The following PDCD1LG2 variants were observed in gnomAD, a reference collection of about 807,000 sequenced individuals.
PDCD1LG2 encodes the protein programmed cell death 1 ligand 2.
A neutral mutation model predicts 28.2 loss-of-function variants in PDCD1LG2; 32 were observed. The observed-to-expected ratio is 1.13, with a 90% confidence interval of 0.86 to 1.52. The LOEUF is 1.52. Among genes scored for constraint, PDCD1LG2 ranks in the 40% most tolerant of loss-of-function variants. PDCD1LG2 has a pLI of 0.00. For missense variants in PDCD1LG2, 385 were observed against 323.8 expected, an observed-to-expected ratio of 1.19 and a Z score of -1.45; for synonymous variants, 116 against 120.2, an observed-to-expected ratio of 0.97 and a Z score of 0.23.
At chr9:5,517,681 T>C (rs1376654758) in intron 1 of PDCD1LG2, among the ~76,000 whole-genome samples, 1 of 152,220 alleles carries the variant, frequency 6.6e-6, no homozygotes, top group Non-Finnish European at 1.5e-5. Context: ...GTCAGACTAA[T>C]GCAGAAATCA....
At chr9:5,549,672 A>G in intron 4 of PDCD1LG2, 68 bp downstream of exon 4, 1 of 1,569,844 alleles carries the variant, frequency 6.4e-7, no homozygotes, top group Non-Finnish European at 8.7e-7. Flanking sequence ...GGCATACTCG[A>G]GTGATTTGAG....
At chr9:5,524,692 G>A (rs1563822063) in intron 2 of PDCD1LG2, among the ~76,000 whole-genome samples, 1 of 152,156 alleles carries the variant, frequency 6.6e-6, no homozygotes, top group Non-Finnish European at 1.5e-5. Context: ...TACTTCTGGG[G>A]AGGGGAGGAG....
At chr9:5,519,972 T>A (rs1233229496) in intron 1 of PDCD1LG2, among the ~76,000 whole-genome samples, 1 of 152,222 alleles carries the variant, frequency 6.6e-6, no homozygotes, top group South Asian at 2.1e-4. Flanking sequence ...TATTCATGAA[T>A]TGGAAGACTA....
intron 4 of PDCD1LG2, among the ~76,000 whole-genome samples, chr9:5,556,887 G>T (rs907247256): frequency 6.6e-6 from 1 of 152,144 alleles, no homozygotes; most frequent in African/African-American, 2.4e-5. Flanking sequence ...ACTTTACAAG[G>T]CTTTCCCCAG....
At chr9:5,539,085 T>C (rs898501776) in intron 3 of PDCD1LG2, among the ~76,000 whole-genome samples, 2 of 152,210 alleles carry the variant, frequency 1.3e-5, no homozygotes, top group African/African-American at 4.8e-5. Flanking sequence ...TCTTTTATAT[T>C]TAGTCACCTT....
intron 1 of PDCD1LG2, among the ~76,000 whole-genome samples, chr9:5,514,060 T>C (rs992354200): frequency 1.3e-5 from 2 of 152,232 alleles, no homozygotes; most frequent in Non-Finnish European, 2.9e-5. Context: ...GGGATAAGAC[T>C]GGCAGTATTT....
chr9:5,545,602 G>T (rs1036137276), intron 3 of PDCD1LG2, among the ~76,000 whole-genome samples: 3 of 152,202 alleles, frequency 2.0e-5, no homozygotes, highest in African/African-American at 4.8e-5. Context: ...CTAAATGTGT[G>T]TCCATTTAAC....
At chr9:5,529,803 C>G (rs1184469024) in intron 2 of PDCD1LG2, among the ~76,000 whole-genome samples, 2 of 152,158 alleles carry the variant, frequency 1.3e-5, no homozygotes, top group African/African-American at 4.8e-5. Flanking sequence ...ACCCTGCTGA[C>G]TGCTGAGATA....
chr9:5,537,214 T>A (rs1017655826), intron 3 of PDCD1LG2, among the ~76,000 whole-genome samples: 10 of 152,190 alleles, frequency 6.6e-5, no homozygotes, highest in Admixed American at 1.3e-4. Flanking sequence ...TCCCATTGAT[T>A]TACTCATACG....
At chr9:5,522,455 T>C (rs1820293618) in intron 1 of PDCD1LG2, 78 bp from the exon 2 acceptor site, 3 of 1,095,440 alleles carry the variant, frequency 2.7e-6, no homozygotes, top group Non-Finnish European at 4.1e-6. Context: ...GTTATTCCCC[T>C]GTTTTCAAAA....
chr9:5,557,195 A>G (rs1041281209), intron 4 of PDCD1LG2, among the ~76,000 whole-genome samples: 1 of 152,138 alleles, frequency 6.6e-6, no homozygotes, highest in African/African-American at 2.4e-5. Context: ...AGAGAGGATG[A>G]GGAGGAGAAG....
rs148360059 is a variant in PDCD1LG2 at position 5,519,707 on chromosome 9, C to A, written c.-14-2826C>A. Among the ~76,000 whole-genome samples, 619 of 152,330 alleles carry A rather than the reference C, an allele frequency of 4.1e-3. 1 individual carries two copies. The highest frequency in any genetic ancestry group is 6.6e-3 in the Non-Finnish European group (452 of 68,024). ...CCCAACTGCCTACTAAACACCTCCACTTGGCTATCTAATAGGCATTTCAAA... is the reference window on the plus strand; with the variant it reads ...CCCAACTGCCTACTAAACACCTCCAATTGGCTATCTAATAGGCATTTCAAA... On this transcript the variant is annotated intron_variant, in intron 1 of 6. Coordinates refer to ENST00000397747, the MANE Select transcript of PDCD1LG2 (RefSeq NM_025239.4).
At chr9:5,564,646 T>C (rs1586822357) in intron 6 of PDCD1LG2, among the ~76,000 whole-genome samples, 1 of 152,338 alleles carries the variant, frequency 6.6e-6, no homozygotes, top group East Asian at 1.9e-4. Flanking sequence ...CATCATCATG[T>C]CATCTCTTGT....
Position 5,569,248 on chromosome 9 carries a change from G to C in PDCD1LG2, c.817-706G>C, listed in dbSNP as rs1816725132. 2.0e-5 allele frequency among the ~76,000 whole-genome samples: 3 copies of C among 152,314 alleles called. No homozygotes were observed. The highest frequency in any genetic ancestry group is 4.4e-5 in the Non-Finnish European group (3 of 68,024). On this transcript the variant is annotated intron_variant, in intron 6 of 6. Transcript: ENST00000397747. This position sits in a 1 kb window ranked among gnomAD's most constrained non-coding sequence, Gnocchi z 4.1. ...AGTTTAATTTATAAAGGTGTGTGCA[G>C]CATTAAGGGAAACCAGCAAGGGATA...
intron 2 of PDCD1LG2, among the ~76,000 whole-genome samples, chr9:5,525,630 C>T (rs1249426733): frequency 6.6e-6 from 1 of 151,578 alleles, no homozygotes; most frequent in Non-Finnish European, 1.5e-5. Context: ...AATCTTAGAG[C>T]ATAATATTGA....
intron 1 of PDCD1LG2, among the ~76,000 whole-genome samples, chr9:5,516,922 T>A (rs1376011561): frequency 6.6e-6 from 1 of 152,170 alleles, no homozygotes; most frequent in African/African-American, 2.4e-5. Context: ...CCAGAGCCAC[T>A]GCTGGGCAGC....
At chr9:5,512,744 A>G (rs1282161539) in intron 1 of PDCD1LG2, among the ~76,000 whole-genome samples, 3 of 152,110 alleles carry the variant, frequency 2.0e-5, no homozygotes, top group Admixed American at 2.0e-4. Context: ...CCTTGCCCAG[A>G]CTAAAACCAA....
chr9:5,526,006 C>T (rs1820370992), intron 2 of PDCD1LG2, among the ~76,000 whole-genome samples: 1 of 149,046 alleles, frequency 6.7e-6, no homozygotes, highest in Non-Finnish European at 1.5e-5. Context: ...AAGATCACGC[C>T]ACTGCACTCT....
At chr9:5,529,874 G>C (rs1031518806) in intron 2 of PDCD1LG2, among the ~76,000 whole-genome samples, 5 of 152,302 alleles carry the variant, frequency 3.3e-5, no homozygotes, top group Non-Finnish European at 5.9e-5. Flanking sequence ...TCTCCATGCA[G>C]TCCTCCTACA....
Sources: allele counts gnomAD v4.1 joint callset (sites outside exome capture counted in the v4.1 genomes callset), GRCh38; gene constraint gnomAD v4.1.1; non-coding constraint Gnocchi (gnomAD v3.1); transcripts MANE v1.5; gene names NCBI Gene and HGNC (gene_info 2026-07-23, HGNC 2026-07-21).